LMCD1: variants seen among roughly 807,000 people sequenced by gnomAD.
LMCD1 encodes LIM and cysteine-rich domains protein 1.
LMCD1 carries 32 observed loss-of-function variants against 42.7 expected under a neutral mutation model. The observed-to-expected ratio is 0.75, with a 90% CI of 0.57 to 1.01. The LOEUF (loss-of-function observed/expected upper bound fraction) is 1.01. Ranked by LOEUF, LMCD1 falls within the 50% of genes least tolerant of loss-of-function variation. The pLI, the probability that LMCD1 is intolerant of heterozygous loss-of-function variation, is 0.00. For synonymous variants in LMCD1, 178 were observed against 184.9 expected (o/e 0.96, Z 0.30); for missense variants, 458 against 483.1 (o/e 0.95, Z 0.49).
intron 1 of LMCD1, among the ~76,000 whole-genome samples, chr3:8,517,318 T>A (rs192513904): frequency 2.0e-5 from 3 of 152,372 alleles, no homozygotes; most frequent in Non-Finnish European, 2.9e-5. Context: ...ATAATGTGTA[T>A]ATGAAACATA....
rs1693735963 is a variant in LMCD1 at position 8,502,107 on chromosome 3, A to G, written c.42+127A>G. The G allele has an allele frequency of 5.2e-6, 4 of 772,382 alleles. No homozygotes were observed. In the South Asian group the frequency reaches 5.9e-5, roughly 11 times the overall value. 47.8% of individuals were successfully genotyped at this position (772,382 alleles called of 1,614,324 possible). A position where few individuals can be genotyped will look rare whatever the true frequency, so the allele number is the denominator to read the frequency against. On this transcript the variant is annotated intron_variant, in intron 1 of 5. Transcript: ENST00000157600. ...CTTTAAATTCCAAAACTGCATGGAAAACAAATAGTTGGGAATACATGTTTG... is the reference window on the plus strand; with the variant it reads ...CTTTAAATTCCAAAACTGCATGGAAGACAAATAGTTGGGAATACATGTTTG...
At chr3:8,523,643 T>C (rs757304183) in intron 1 of LMCD1, among the ~76,000 whole-genome samples, 3 of 152,222 alleles carry the variant, frequency 2.0e-5, no homozygotes, top group Admixed American at 1.3e-4. Context: ...AGCCAAAGGA[T>C]AAACATGGAG....
At position 8,571,552 on chromosome 3, in the gene LMCD1, T is replaced by C. The variant is rs1232179999; in HGVS notation, c.*3954T>C. On this transcript the variant is annotated 3_prime_UTR_variant, in exon 6 of 6. Coordinates refer to ENST00000157600, the MANE Select transcript of LMCD1 (RefSeq NM_014583.4). ...TGAGCAGAAAATGTTCAAAGTGAGA[T>C]ATGACTTTGGGGATGGAGACAAAGG... The C allele has an allele frequency of 6.6e-6, 1 of 152,080 alleles. No individual in the cohort carries two copies. The highest frequency in any genetic ancestry group is 2.4e-5 in the African/African-American group (1 of 41,400). The allele number at this position is 152,080 out of a possible 1,614,324, so 9.4% of individuals were successfully genotyped here. A position where few individuals can be genotyped will look rare whatever the true frequency, so the allele number is the denominator to read the frequency against.
rs1236771717 is a variant in LMCD1 at position 8,554,012 on chromosome 3, C to G, written c.723+5109C>G. ...AGGGAAGAAAGGGGAAACTGTGAGG[C>G]TGCAGCAGGCACTGTGTAAGGTCTC... On this transcript the variant is annotated intron_variant, in intron 4 of 5. Transcript: ENST00000157600. Among the ~76,000 whole-genome samples, 3 of 152,146 alleles carry G rather than the reference C, an allele frequency of 2.0e-5. No individual in the cohort carries two copies. The East Asian group carries it at 5.8e-4, about 29-fold the overall frequency.
intron 4 of LMCD1, among the ~76,000 whole-genome samples, chr3:8,560,341 T>G (rs1226553895): frequency 1.3e-5 from 2 of 152,190 alleles, no homozygotes; most frequent in African/African-American, 4.8e-5. Context: ...AAGCCACCCA[T>G]GATCACCCTA....
At chr3:8,509,033 A>T (rs1258244439) in intron 1 of LMCD1, among the ~76,000 whole-genome samples, 3 of 152,172 alleles carry the variant, frequency 2.0e-5, no homozygotes, top group Non-Finnish European at 4.4e-5. Flanking sequence ...TCCTCTCTGG[A>T]CCTCTGGTTC....
At chr3:8,527,937 T>G (rs1694330763) in intron 1 of LMCD1, among the ~76,000 whole-genome samples, 1 of 152,224 alleles carries the variant, frequency 6.6e-6, no homozygotes, top group South Asian at 2.1e-4. Context: ...AGGACAAGAT[T>G]GATGGGTTAG....
intron 1 of LMCD1, among the ~76,000 whole-genome samples, chr3:8,509,580 A>G (rs1289547428): frequency 1.3e-5 from 2 of 152,364 alleles, no homozygotes; most frequent in Non-Finnish European, 2.9e-5. Context: ...CCTGCCAAGT[A>G]AACTTGAGTC....
At chr3:8,503,368 C>T (rs573093843) in intron 1 of LMCD1, among the ~76,000 whole-genome samples, 1 of 152,186 alleles carries the variant, frequency 6.6e-6, no homozygotes, top group South Asian at 2.1e-4. Context: ...GGTACCAAGT[C>T]ACATTGAATC....
chr3:8,531,156 C>T (rs1402375204), intron 1 of LMCD1, among the ~76,000 whole-genome samples: 4 of 152,186 alleles, frequency 2.6e-5, no homozygotes, highest in Admixed American at 2.6e-4. Flanking sequence ...TCACAAGTTT[C>T]ACTGCTTGTA....
intron 5 of LMCD1, among the ~76,000 whole-genome samples, chr3:8,566,151 A>G (rs1695129035): frequency 1.3e-5 from 2 of 152,216 alleles, no homozygotes; most frequent in African/African-American, 4.8e-5. Context: ...AGCTGCTGTT[A>G]GTCTTACGAT....
chr3:8,520,933 C>G (rs777037212), intron 1 of LMCD1, among the ~76,000 whole-genome samples: 1 of 152,194 alleles, frequency 6.6e-6, no homozygotes, highest in East Asian at 1.9e-4. Flanking sequence ...TTTCTAGAAA[C>G]GTGGACAATT....
intron 3 of LMCD1, among the ~76,000 whole-genome samples, chr3:8,546,862 C>T (rs1694746024): frequency 6.6e-6 from 1 of 152,186 alleles, no homozygotes; most frequent in Non-Finnish European, 1.5e-5. Context: ...GCTGGCATAA[C>T]TTTTGTCATT....
At chr3:8,550,378 C>G in intron 4 of LMCD1, 9 of 985,668 alleles carry the variant, frequency 9.1e-6, no homozygotes, top group Non-Finnish European at 1.1e-5. Context: ...CCTTGCTGAA[C>G]AGGCTGGCAG....
intron 4 of LMCD1, among the ~76,000 whole-genome samples, chr3:8,562,834 G>A (rs1378409316): frequency 6.6e-6 from 1 of 152,116 alleles, no homozygotes; most frequent in Non-Finnish European, 1.5e-5. Flanking sequence ...TATCTGCCTG[G>A]GTCACTGCTG....
At chr3:8,544,177 T>C (rs543346263) in intron 3 of LMCD1, among the ~76,000 whole-genome samples, 5 of 152,306 alleles carry the variant, frequency 3.3e-5, no homozygotes, top group Non-Finnish European at 7.3e-5. Flanking sequence ...TGAATGAGAT[T>C]GCCAGGGACT....
intron 1 of LMCD1, among the ~76,000 whole-genome samples, chr3:8,502,356 TA>T (rs1559342210): frequency 1.2e-5 from 1 of 84,410 alleles, no homozygotes; most frequent in African/African-American, 5.2e-5. Flanking sequence ...AAATATATAA[TA>T]TATATTATAT....
intron 1 of LMCD1, among the ~76,000 whole-genome samples, chr3:8,515,632 G>A (rs1319865076): frequency 6.6e-6 from 1 of 152,132 alleles, no homozygotes; most frequent in Admixed American, 6.6e-5. Context: ...CATGTTATGG[G>A]CTCAGTGATA....
intron 3 of LMCD1, among the ~76,000 whole-genome samples, chr3:8,541,406 G>A (rs149234090): frequency 2.0e-5 from 3 of 152,086 alleles, no homozygotes; most frequent in Admixed American, 2.0e-4. Context: ...AAAATTAGCC[G>A]GGTGTGGTAG....
Sources: gnomAD v4.1 joint callset for allele counts (sites outside exome capture counted in the v4.1 genomes callset) on GRCh38, gnomAD v4.1.1 for gene constraint, MANE v1.5 for transcripts, NCBI Gene and HGNC (gene_info 2026-07-23, HGNC 2026-07-21) for gene names.